Variants in IL1RAPL2 observed in about 807,000 individuals in gnomAD.
The protein encoded by IL1RAPL2 is X-linked interleukin-1 receptor accessory protein-like 2.
In IL1RAPL2, 3 loss-of-function variants were observed where a neutral mutation model predicts 44.1. The observed-to-expected ratio is 0.07, with a 90% confidence interval of 0.03 to 0.18. IL1RAPL2 has a LOEUF of 0.18. Ranked by LOEUF, IL1RAPL2 falls within the 10% of genes least tolerant of loss-of-function variation. The pLI is 1.00. For synonymous variants in IL1RAPL2, 181 were observed against 178.8 expected (o/e 1.01, Z -0.10); for missense variants, 391 against 496.4 (o/e 0.79, Z 2.02).
chrX:104,609,787 G>C (rs1017294711), intron 1 of IL1RAPL2, among the ~76,000 whole-genome samples: 3 of 111,636 alleles, frequency 2.7e-5, no homozygotes, highest in Middle Eastern at 9.3e-3. Context: ...CTTGCCATGG[G>C]TTAGAACATG....
rs2034449230 is a variant in IL1RAPL2 at position 105,271,932 on chromosome X, A to G, written c.697+4391A>G. 2.8e-5 allele frequency among the ~76,000 whole-genome samples: 3 copies of G among 108,759 alleles called. No individual in the cohort carries two copies. The South Asian group carries it at 1.2e-3, about 45-fold the overall frequency. The allele number at this position is 108,759 out of a possible 115,157, so 94.4% of individuals were successfully genotyped here. A position where few individuals can be genotyped will look rare whatever the true frequency, so the allele number is the denominator to read the frequency against. The stretch of plus-strand genomic sequence containing the variant: ...TGAAGTTGCTTATCAGCTTAAGGAG[A>G]TTTTGGGCTGAGACAATGGGGTTTT... On this transcript the variant is annotated intron_variant, in intron 5 of 10. Transcript: ENST00000372582.
chrX:105,105,742 A>G (rs2032732247), intron 2 of IL1RAPL2, among the ~76,000 whole-genome samples: 1 of 112,212 alleles, frequency 8.9e-6, no homozygotes, highest in Non-Finnish European at 1.9e-5. Context: ...TCCTTTCTGA[A>G]TGGGGCCACA....
At chrX:104,627,670 G>A (rs1335939548) in intron 1 of IL1RAPL2, among the ~76,000 whole-genome samples, 1 of 110,868 alleles carries the variant, frequency 9.0e-6, no homozygotes, top group Non-Finnish European at 1.9e-5. Flanking sequence ...ATTCCCATGT[G>A]TCAATGAGGG....
At chrX:104,766,812 G>T (rs544960988) in intron 2 of IL1RAPL2, among the ~76,000 whole-genome samples, 5 of 111,991 alleles carry the variant, frequency 4.5e-5, no homozygotes, top group Non-Finnish European at 9.4e-5. Context: ...CAAATAAGCC[G>T]TTATTGTTAG....
chrX:104,910,921 C>G (rs752085182), intron 2 of IL1RAPL2, among the ~76,000 whole-genome samples: 6 of 111,503 alleles, frequency 5.4e-5, no homozygotes, highest in Non-Finnish European at 1.1e-4. Flanking sequence ...GAGAAAAAGA[C>G]ACATGCAAGT....
At chrX:105,049,457 G>A (rs1411131808) in intron 2 of IL1RAPL2, among the ~76,000 whole-genome samples, 1 of 111,205 alleles carries the variant, frequency 9.0e-6, no homozygotes, top group Non-Finnish European at 1.9e-5. Flanking sequence ...CAAGTCAATG[G>A]CAAGGCCTGT....
At chrX:104,755,023 C>CTA (rs1339759672) in intron 2 of IL1RAPL2, among the ~76,000 whole-genome samples, 1 of 111,639 alleles carries the variant, frequency 9.0e-6, no homozygotes, top group Non-Finnish European at 1.9e-5. Flanking sequence ...AGGACACAAT[C>CTA]TATAGTCTCA....
intron 1 of IL1RAPL2, among the ~76,000 whole-genome samples, chrX:104,585,250 ATATAATATATATATAATATAT>A (rs1928491451): frequency 3.4e-5 from 1 of 29,326 alleles, no homozygotes; most frequent in Non-Finnish European, 5.3e-5. Flanking sequence ...AATATATGAT[ATATAATATATATATAATATAT>A]TATATATATT....
At chrX:105,285,070 C>T (rs1212224667) in intron 5 of IL1RAPL2, among the ~76,000 whole-genome samples, 1 of 112,232 alleles carries the variant, frequency 8.9e-6, no homozygotes, top group Non-Finnish European at 1.9e-5. Context: ...CTGTGAGTAA[C>T]ACCTGCTCCT....
At chrX:105,182,522 T>C (rs782011950) in intron 2 of IL1RAPL2, among the ~76,000 whole-genome samples, 2 of 111,996 alleles carry the variant, frequency 1.8e-5, no homozygotes, top group East Asian at 2.8e-4. Context: ...TATGTCTTTA[T>C]ATGTGAAGCG....
At chrX:105,072,961 G>A (rs1190216839) in intron 2 of IL1RAPL2, among the ~76,000 whole-genome samples, 2 of 110,362 alleles carry the variant, frequency 1.8e-5, no homozygotes, top group African/African-American at 6.6e-5. Context: ...CTTCATCCAT[G>A]TCCCTGCAAA....
At chrX:105,002,060 A>C (rs1569358854) in intron 2 of IL1RAPL2, among the ~76,000 whole-genome samples, 1 of 110,852 alleles carries the variant, frequency 9.0e-6, no homozygotes, top group Non-Finnish European at 1.9e-5. Context: ...GAGTTGTGTG[A>C]AATTGAATGA....
chrX:105,224,747 G>A (rs911717691), intron 3 of IL1RAPL2, among the ~76,000 whole-genome samples: 1 of 111,856 alleles, frequency 8.9e-6, no homozygotes, highest in Non-Finnish European at 1.9e-5. Flanking sequence ...AAAAATATCA[G>A]TGTAATCTGA....
chrX:105,702,354 C>T (rs533254790), intron 6 of IL1RAPL2, among the ~76,000 whole-genome samples: 2 of 111,405 alleles, frequency 1.8e-5, no homozygotes, highest in Middle Eastern at 4.6e-3. Context: ...ACACTGTATT[C>T]TTCATGGGGA....
intron 2 of IL1RAPL2, among the ~76,000 whole-genome samples, chrX:104,895,071 G>A (rs1196451613): frequency 1.8e-5 from 2 of 112,229 alleles, no homozygotes; most frequent in Admixed American, 9.4e-5. Context: ...TGTTTTCCTG[G>A]GTATCAGCAG....
chrX:104,636,942 G>A (rs2148014514), intron 1 of IL1RAPL2, among the ~76,000 whole-genome samples: 1 of 111,383 alleles, frequency 9.0e-6, no homozygotes, highest in Non-Finnish European at 1.9e-5. Flanking sequence ...GCTCACTCTG[G>A]GAGCTGTAGA....
rs944962043 is a variant in IL1RAPL2, at chrX:104,959,316, C to G, written c.83-236159C>G. Among the ~76,000 whole-genome samples the G allele has an allele frequency of 3.6e-5, 4 of 110,765 alleles. No homozygotes were observed. In the East Asian group the frequency reaches 8.5e-4, roughly 24 times the overall value. On this transcript the variant is annotated intron_variant, in intron 2 of 10. Coordinates refer to ENST00000372582, the MANE Select transcript of IL1RAPL2 (RefSeq NM_017416.2). The stretch of plus-strand genomic sequence containing the variant: ...TATCAGGTGTCGTCTTATTTCTAAG[C>G]TGGCTGTTACATTTAATACAAGTGG...
At position 104,784,912 on chromosome X, in the gene IL1RAPL2, T is replaced by C. The variant is rs762338741; in HGVS notation, c.82+125917T>C. On this transcript the variant is annotated intron_variant, in intron 2 of 10. Transcript: ENST00000372582. ...GAGGAAGAGGACAAAAAAAGGAAAC[T>C]CAATGTTTATGTTGACAAATCAGCT... Among the ~76,000 whole-genome samples the C allele has an allele frequency of 6.3e-5, 7 of 110,923 alleles. 1 individual carries two copies. The South Asian group carries it at 1.5e-3, about 24-fold the overall frequency.
chrX:105,295,195 A>G (rs1002660571), intron 5 of IL1RAPL2, among the ~76,000 whole-genome samples: 3 of 111,546 alleles, frequency 2.7e-5, no homozygotes, highest in Non-Finnish European at 5.7e-5. Flanking sequence ...ATTTTGGACT[A>G]GGCAGTACGG....
Sources: allele counts gnomAD v4.1 joint callset (sites outside exome capture counted in the v4.1 genomes callset), GRCh38; gene constraint gnomAD v4.1.1; transcripts MANE v1.5; gene names NCBI Gene and HGNC (gene_info 2026-07-23, HGNC 2026-07-21).